Variants in TTC28 observed in about 807,000 individuals in gnomAD.
TTC28 encodes the protein tetratricopeptide repeat protein 28.
A neutral mutation model predicts 198.0 loss-of-function variants in TTC28; 61 were observed. The ratio of observed to expected loss-of-function variants is 0.31; its 90% CI spans 0.25 to 0.38. The LOEUF is 0.38. Ranked by LOEUF, TTC28 falls within the 10% of genes least tolerant of loss-of-function variation. The probability of loss-of-function intolerance (pLI) is 1.00; values close to 1 mark genes in which losing one functional copy is unlikely to be tolerated. For missense variants in TTC28, 2,678 were observed against 3,164.0 expected, an observed-to-expected ratio of 0.85 and a Z score of 3.69; for synonymous variants, 1,171 against 1,297.8, an observed-to-expected ratio of 0.90 and a Z score of 2.10.
intron 6 of TTC28, 102 bp downstream of exon 6, chr22:28,162,990 T>A: frequency 2.2e-6 from 3 of 1,371,816 alleles, no homozygotes; most frequent in Non-Finnish European, 2.9e-6. Flanking sequence ...GGATATTCTT[T>A]TAAATATAAA....
chr22:28,491,960 G>C (rs1163342517), intron 2 of TTC28, among the ~76,000 whole-genome samples: 2 of 152,146 alleles, frequency 1.3e-5, no homozygotes, highest in East Asian at 1.9e-4. Flanking sequence ...GTCCTTTGTA[G>C]GGACATGGAT....
chr22:28,615,098 A>G (rs1442871389), intron 2 of TTC28, among the ~76,000 whole-genome samples: 1 of 152,210 alleles, frequency 6.6e-6, no homozygotes, highest in Non-Finnish European at 1.5e-5. Context: ...AAACAAATTT[A>G]CAAGAAAAAA....
chr22:28,568,909 G>A (rs1221612010), intron 2 of TTC28, among the ~76,000 whole-genome samples: 1 of 152,092 alleles, frequency 6.6e-6, no homozygotes, highest in East Asian at 1.9e-4. Context: ...CACTTTGGGA[G>A]GCCAAGGCAA....
chr22:28,115,934 A>G (rs995515685), intron 6 of TTC28, among the ~76,000 whole-genome samples: 3 of 152,052 alleles, frequency 2.0e-5, no homozygotes, highest in African/African-American at 7.3e-5. Flanking sequence ...TATAAGCTAC[A>G]CTCCATTGGA....
chr22:28,427,802 A>T (rs946426389), intron 2 of TTC28, among the ~76,000 whole-genome samples: 9 of 152,140 alleles, frequency 5.9e-5, no homozygotes, highest in African/African-American at 2.2e-4. Flanking sequence ...CAGGTAAATT[A>T]AAGTCAAATT....
chr22:28,048,498 A>G (rs1386881000), intron 12 of TTC28, among the ~76,000 whole-genome samples: 1 of 152,016 alleles, frequency 6.6e-6, no homozygotes, highest in Non-Finnish European at 1.5e-5. Flanking sequence ...GCAGTGTAGG[A>G]TATCTGGGTC....
In TTC28 at chr22:28,396,919, T is replaced by C. The variant is rs550870504; in HGVS notation, c.382-90276A>G. Among the ~76,000 whole-genome samples the C allele has an allele frequency of 9.9e-5, 15 of 152,220 alleles. 1 individual carries two copies. The highest frequency in any genetic ancestry group is 3.3e-4 in the Admixed American group (5 of 15,292). On this transcript the variant is annotated intron_variant, in intron 2 of 22. Coordinates refer to ENST00000397906, the MANE Select transcript of TTC28 (RefSeq NM_001145418.2). Reference sequence around the variant, plus strand: ...ATTGTCTTTCTGTCCCTGCTCCCCATCCAAAACTACCAGGCACCAATACTC... The same window carrying C: ...ATTGTCTTTCTGTCCCTGCTCCCCACCCAAAACTACCAGGCACCAATACTC...
chr22:28,282,546 A>T (rs2044603888), intron 5 of TTC28, among the ~76,000 whole-genome samples: 1 of 152,176 alleles, frequency 6.6e-6, no homozygotes, highest in Non-Finnish European at 1.5e-5. Flanking sequence ...ATTTATTTTA[A>T]TATAACCACA....
intron 12 of TTC28, among the ~76,000 whole-genome samples, chr22:28,061,793 A>G (rs2146739703): frequency 6.6e-6 from 1 of 152,310 alleles, no homozygotes; most frequent in South Asian, 2.1e-4. Context: ...CATTGAATCT[A>G]TAAATTACCT....
At chr22:28,114,579 AT>A (rs68190158) in intron 6 of TTC28, among the ~76,000 whole-genome samples, 16,646 of 138,782 alleles carry the variant, frequency 0.12, 848 homozygotes, top group Non-Finnish European at 0.14. Context: ...AAAGGTATAG[AT>A]TTTTTTTTTT....
chr22:28,176,522 C>A (rs1389971176), intron 5 of TTC28, among the ~76,000 whole-genome samples: 1 of 152,014 alleles, frequency 6.6e-6, no homozygotes, highest in Non-Finnish European at 1.5e-5. Flanking sequence ...GTGACTATGG[C>A]TAACAATAAA....
At chr22:28,141,594 C>T (rs1412423515) in intron 6 of TTC28, among the ~76,000 whole-genome samples, 1 of 152,038 alleles carries the variant, frequency 6.6e-6, no homozygotes, top group Non-Finnish European at 1.5e-5. Context: ...GTGGAGATCA[C>T]TCATTAATAT....
At chr22:28,673,797 T>C (rs1039192861) in intron 1 of TTC28, among the ~76,000 whole-genome samples, 6 of 152,218 alleles carry the variant, frequency 3.9e-5, no homozygotes, top group Non-Finnish European at 8.8e-5. Context: ...TATCATACTA[T>C]GTCTCTAGTT....
chr22:28,420,513 T>C (rs954483072), intron 2 of TTC28, among the ~76,000 whole-genome samples: 14 of 150,156 alleles, frequency 9.3e-5, no homozygotes, highest in African/African-American at 2.9e-4. Context: ...TCTCAAGCAG[T>C]TGAAAGAAAG....
In TTC28 at chr22:28,452,389, CAAAAAAAAAAA is replaced by C. The variant is rs71194768; in HGVS notation, c.382-145757_382-145747del. ...TGGGCAACAGAGCGAGATTCCATCTCAAAAAAAAAAAAAAAAAAAAAAAAAAAAAGAGGCTG... is the reference window on the plus strand; with the variant it reads ...TGGGCAACAGAGCGAGATTCCATCTCAAAAAAAAAAAAAAAAAAGAGGCTG... On this transcript the variant is annotated intron_variant, in intron 2 of 22. Transcript: ENST00000397906. Among the ~76,000 whole-genome samples, 119 of 43,240 alleles carry C rather than the reference CAAAAAAAAAAA, an allele frequency of 2.8e-3. 3 individuals are homozygous for C. In the East Asian group the frequency reaches 0.035, roughly 13 times the overall value. The allele number at this position is 43,240 out of a possible 152,430, so 28.4% of individuals were successfully genotyped here.
chr22:28,632,544 C>A (rs1437172950), intron 1 of TTC28, among the ~76,000 whole-genome samples: 1 of 151,490 alleles, frequency 6.6e-6, no homozygotes, highest in Non-Finnish European at 1.5e-5. Flanking sequence ...GTAACATTTA[C>A]CAAACAACCA....
intron 12 of TTC28, among the ~76,000 whole-genome samples, chr22:28,032,231 A>ATG (rs1939144868): frequency 7.7e-6 from 1 of 130,318 alleles, no homozygotes; most frequent in Non-Finnish European, 1.6e-5. Context: ...ATATATATAT[A>ATG]TAAAATATAT....
intron 6 of TTC28, among the ~76,000 whole-genome samples, chr22:28,130,088 A>G (rs1943022275): frequency 6.6e-6 from 1 of 152,222 alleles, no homozygotes; most frequent in African/African-American, 2.4e-5. Context: ...ACTTTATAGC[A>G]AGCTTAAAAC....
chr22:28,463,075 T>C (rs2047971158), intron 2 of TTC28, among the ~76,000 whole-genome samples: 1 of 152,240 alleles, frequency 6.6e-6, no homozygotes. Flanking sequence ...CCTGGTATCC[T>C]ACCCAAGATG....
Sources: allele counts gnomAD v4.1 joint callset (sites outside exome capture counted in the v4.1 genomes callset), GRCh38; gene constraint gnomAD v4.1.1; transcripts MANE v1.5; gene names NCBI Gene and HGNC (gene_info 2026-07-23, HGNC 2026-07-21).